CNBD1: variants seen among roughly 807,000 people sequenced by gnomAD.
CNBD1 encodes cyclic nucleotide binding domain containing 1.
A neutral mutation model predicts 54.4 loss-of-function variants in CNBD1; 71 were observed. That is an observed-to-expected ratio of 1.30 (90% CI 1.08 to 1.59). The LOEUF (loss-of-function observed/expected upper bound fraction) is 1.59, where lower values mean the gene tolerates loss of function less well. Among genes scored for constraint, CNBD1 ranks in the 40% most tolerant of loss-of-function variants. The pLI, the probability that CNBD1 is intolerant of heterozygous loss-of-function variation, is 0.00. For synonymous variants in CNBD1, 182 were observed against 170.7 expected (o/e 1.07, Z -0.51); for missense variants, 659 against 518.0 (o/e 1.27, Z -2.64).
chr8:87,304,475 A>G (rs1809094918), intron 8 of CNBD1, among the ~76,000 whole-genome samples: 3 of 149,224 alleles, frequency 2.0e-5, no homozygotes, highest in Admixed American at 6.7e-5. Context: ...ATCACACACC[A>G]GGGCCTGTTG....
At chr8:87,386,283 G>A (rs1481414264), downstream of CNBD1, among the ~76,000 whole-genome samples, 2 of 152,112 alleles carry the variant, frequency 1.3e-5, no homozygotes, top group Admixed American at 1.3e-4. Flanking sequence ...AACGAGTTGA[G>A]AGAAGAAGTT....
chr8:87,074,767 C>T (rs959598784), intron 4 of CNBD1, among the ~76,000 whole-genome samples: 2 of 152,100 alleles, frequency 1.3e-5, no homozygotes, highest in Non-Finnish European at 2.9e-5. Flanking sequence ...TTTGCCTAAT[C>T]AGTCCCAAGG....
At chr8:87,274,206 T>G (rs1808428356) in intron 6 of CNBD1, among the ~76,000 whole-genome samples, 1 of 151,426 alleles carries the variant, frequency 6.6e-6, no homozygotes, top group Non-Finnish European at 1.5e-5. Flanking sequence ...GTCTTTGCTA[T>G]CGTGAATGGT....
chr8:86,884,797 T>G (rs1808656817), intron 1 of CNBD1, among the ~76,000 whole-genome samples: 1 of 152,212 alleles, frequency 6.6e-6, no homozygotes, highest in African/African-American at 2.4e-5. Context: ...CTGAACTGCT[T>G]CTTTGTGCTC....
intron 1 of CNBD1, among the ~76,000 whole-genome samples, chr8:86,874,580 T>C (rs185530700): frequency 1.9e-3 from 289 of 152,272 alleles, no homozygotes; most frequent in African/African-American, 6.5e-3. Flanking sequence ...CCATTTCTCA[T>C]GAAATATTAA....
At chr8:87,047,283 C>T (rs1248204858) in intron 4 of CNBD1, among the ~76,000 whole-genome samples, 1 of 152,110 alleles carries the variant, frequency 6.6e-6, no homozygotes, top group African/African-American at 2.4e-5. Flanking sequence ...AAAGTGCTCC[C>T]ATATCAAGTT....
chr8:87,383,226 T>A (rs1811118630), downstream of CNBD1, among the ~76,000 whole-genome samples: 2 of 152,062 alleles, frequency 1.3e-5, no homozygotes, highest in African/African-American at 2.4e-5. Context: ...ATTTAAAAAA[T>A]AACAATAGAA....
downstream of CNBD1, among the ~76,000 whole-genome samples, chr8:87,387,372 C>A (rs555308576): frequency 6.6e-6 from 1 of 151,684 alleles, no homozygotes; most frequent in African/African-American, 2.4e-5. Context: ...TCTCACGTGC[C>A]GAGACACACA....
chr8:87,183,976 A>C (rs1813418829), intron 4 of CNBD1, among the ~76,000 whole-genome samples: 1 of 152,214 alleles, frequency 6.6e-6, no homozygotes, highest in Admixed American at 6.5e-5. Context: ...AAAGCACTGC[A>C]GTAGAATGGC....
downstream of CNBD1, among the ~76,000 whole-genome samples, chr8:87,385,451 T>C (rs112085359): frequency 0.019 from 2,860 of 151,520 alleles, 90 homozygotes; most frequent in African/African-American, 0.062. Flanking sequence ...TCTTAGCAAA[T>C]GGCACACCAG....
chr8:87,375,605 A>T (rs1810911743), intron 10 of CNBD1, among the ~76,000 whole-genome samples: 1 of 151,880 alleles, frequency 6.6e-6, no homozygotes, highest in Non-Finnish European at 1.5e-5. Context: ...GAACCGAATC[A>T]AGGTTATTAG....
At chr8:87,291,489 T>C (rs551508276) in intron 8 of CNBD1, among the ~76,000 whole-genome samples, 1 of 152,286 alleles carries the variant, frequency 6.6e-6, no homozygotes, top group South Asian at 2.1e-4. Context: ...AGTGCCTCTG[T>C]TACATATCCG....
intron 3 of CNBD1, among the ~76,000 whole-genome samples, chr8:86,929,996 T>C (rs765406060): frequency 7.9e-5 from 12 of 152,170 alleles, no homozygotes; most frequent in Non-Finnish European, 1.5e-4. Flanking sequence ...GGCTTAAGGC[T>C]GGAGCTTGTA....
intron 4 of CNBD1, among the ~76,000 whole-genome samples, chr8:87,087,249 A>ATATATATATATACATATATATATACG (rs1563463307): frequency 1.6e-4 from 22 of 139,108 alleles, no homozygotes; most frequent in African/African-American, 5.4e-4. Flanking sequence ...ATATATACGT[A>ATATATATATATACATATATATATACG]TATATATATA....
chr8:86,997,164 G>C (rs765750659), intron 4 of CNBD1, among the ~76,000 whole-genome samples: 1 of 152,136 alleles, frequency 6.6e-6, no homozygotes, highest in Non-Finnish European at 1.5e-5. Flanking sequence ...CTTTAGAATG[G>C]AGTACATACT....
chr8:87,200,243 A>G lies in CNBD1; in HGVS notation c.432-5750A>G, dbSNP rs999618125. On this transcript the variant is annotated intron_variant, in intron 4 of 10. Coordinates refer to ENST00000518476, the MANE Select transcript of CNBD1 (RefSeq NM_173538.3). ...CCTGAGGGAAACTGTTAATCTACTC[A>G]CAGAAGAAATCAGTGAACTCCGAGT... is the stretch of plus-strand genomic sequence containing the variant. 6.6e-5 allele frequency among the ~76,000 whole-genome samples: 10 copies of G among 152,284 alleles called. No homozygotes were observed. In the East Asian group the frequency reaches 1.7e-3, roughly 26 times the overall value.
chr8:87,026,352 C>CCTCCCTCCCTCT (rs1176013281), intron 4 of CNBD1, among the ~76,000 whole-genome samples: 5 of 151,222 alleles, frequency 3.3e-5, no homozygotes, highest in African/African-American at 1.2e-4. Context: ...TTCCCTTCTC[C>CCTCCCTCCCTCT]CTCCCTCCCT....
intron 10 of CNBD1, among the ~76,000 whole-genome samples, chr8:87,382,011 A>G (rs1282211628): frequency 6.6e-6 from 1 of 151,998 alleles, no homozygotes; most frequent in African/African-American, 2.4e-5. Context: ...TGTTCTTACC[A>G]TGATAATATA....
intron 4 of CNBD1, among the ~76,000 whole-genome samples, chr8:87,110,710 A>T (rs958839478): frequency 4.6e-5 from 7 of 152,242 alleles, no homozygotes; most frequent in Admixed American, 2.6e-4. Context: ...GACTTATTTG[A>T]TGTTCTTTGG....
Sources: allele counts gnomAD v4.1 joint callset (sites outside exome capture counted in the v4.1 genomes callset), GRCh38; gene constraint gnomAD v4.1.1; transcripts MANE v1.5; gene names NCBI Gene and HGNC (gene_info 2026-07-23, HGNC 2026-07-21).